The following SUFU variants were observed in gnomAD, a reference collection of about 807,000 sequenced individuals.
SUFU encodes the protein SUFU negative regulator of hedgehog signaling.
In SUFU, 7 loss-of-function variants were observed where a neutral mutation model predicts 58.9. That is an observed-to-expected ratio of 0.12 (90% CI 0.07 to 0.22). The LOEUF (loss-of-function observed/expected upper bound fraction) is 0.22, where lower values mean the gene tolerates loss of function less well. Among genes scored for constraint, SUFU ranks in the 10% least tolerant of loss-of-function variants. The probability of loss-of-function intolerance (pLI) is 1.00; values close to 1 mark genes in which losing one functional copy is unlikely to be tolerated. For missense variants in SUFU, 451 were observed against 641.3 expected (o/e 0.70, Z 3.20); for synonymous variants, 232 against 254.8 (o/e 0.91, Z 0.85).
intron 2 of SUFU, among the ~76,000 whole-genome samples, chr10:102,538,231 GTAATGTCCTACC>G (rs1471391436): frequency 6.6e-6 from 1 of 152,154 alleles, no homozygotes; most frequent in Non-Finnish European, 1.5e-5. Flanking sequence ...TTAGTGACTT[GTAATGTCCTACC>G]ACATAATGTG....
intron 3 of SUFU, among the ~76,000 whole-genome samples, chr10:102,583,370 T>C (rs1056663474): frequency 1.3e-5 from 2 of 152,210 alleles, no homozygotes; most frequent in African/African-American, 4.8e-5. Context: ...CTCCCCACTT[T>C]AACTCAGGAG....
intron 3 of SUFU, among the ~76,000 whole-genome samples, chr10:102,556,173 CG>C (rs2062974582): frequency 6.6e-6 from 1 of 151,880 alleles, no homozygotes; most frequent in Non-Finnish European, 1.5e-5. Flanking sequence ...GGTGTGGGGG[CG>C]GGGGCGGAGA....
In SUFU at chr10:102,632,152, A is replaced by G. The variant is rs757368847; in HGVS notation, c.*1997A>G. 3.0e-4 allele frequency: 71 copies of G among 233,178 alleles called. No individual in the cohort carries two copies. The Middle Eastern group carries it at 5.1e-3, about 17-fold the overall frequency. The allele number at this position is 233,178 out of a possible 1,614,324, so 14.4% of individuals were successfully genotyped here. On this transcript the variant is annotated 3_prime_UTR_variant, in exon 12 of 12. Transcript: ENST00000369902. ...GTACTTCCATCTGCTGGGTGCCTCC[A>G]TCGTTGGTTGGGTGGGGATGGGGCA...
intron 2 of SUFU, among the ~76,000 whole-genome samples, chr10:102,524,688 T>A (rs1589990869): frequency 6.6e-6 from 1 of 152,356 alleles, no homozygotes; most frequent in East Asian, 1.9e-4. Flanking sequence ...TTTTTTTAAA[T>A]TACCATCTAG....
chr10:102,520,461 C>CTG (rs1481789944), intron 2 of SUFU, among the ~76,000 whole-genome samples: 4 of 150,926 alleles, frequency 2.7e-5, no homozygotes, highest in South Asian at 2.1e-4. Flanking sequence ...CTCAGGTGAT[C>CTG]CAACCACCTC....
chr10:102,512,570 C>G (rs906057941), intron 2 of SUFU, among the ~76,000 whole-genome samples: 1 of 152,112 alleles, frequency 6.6e-6, no homozygotes, highest in Non-Finnish European at 1.5e-5. Context: ...TTAATACTAT[C>G]CTCTTACATG....
chr10:102,612,799 G>A (rs1417507261), intron 8 of SUFU, among the ~76,000 whole-genome samples: 1 of 152,132 alleles, frequency 6.6e-6, no homozygotes, highest in Non-Finnish European at 1.5e-5. Flanking sequence ...TGAGCCCTTC[G>A]GCTCGTCACC....
At chr10:102,590,160 C>CTTTTTT (rs1287182435) in intron 3 of SUFU, among the ~76,000 whole-genome samples, 18 of 46,488 alleles carry the variant, frequency 3.9e-4, no homozygotes, top group African/African-American at 1.6e-3. Flanking sequence ...TTTCTTTTTT[C>CTTTTTT]TTTTTTTTTT....
intron 9 of SUFU, 125 bp downstream of exon 9, chr10:102,615,527 C>G (rs2063677298): frequency 2.1e-6 from 3 of 1,421,852 alleles, no homozygotes; most frequent in Non-Finnish European, 2.9e-6. Flanking sequence ...AAGGAGCCAC[C>G]AGGCCCGTGC....
rs574943595 is a variant in SUFU at position 102,619,994 on chromosome 10, G to A, written c.1296+2566G>A. 2.0e-5 allele frequency among the ~76,000 whole-genome samples: 3 copies of A among 152,312 alleles called. No homozygotes were observed. Among genetic ancestry groups the A allele is most frequent in the South Asian group, 2.1e-4 (1 of 4,830 alleles). On this transcript the variant is annotated intron_variant, in intron 10 of 11. Transcript: ENST00000369902. The surrounding 1 kb of genome is among the most constrained non-coding windows in gnomAD (Gnocchi z 4.2). The stretch of plus-strand genomic sequence containing the variant: ...TGCTCCCTGCAGGCATCTCTTGCTC[G>A]CACCCCCAGGGTTCCGAGGTGTCTT...
At chr10:102,519,034 G>A (rs1313677002) in intron 2 of SUFU, among the ~76,000 whole-genome samples, 1 of 151,512 alleles carries the variant, frequency 6.6e-6, no homozygotes, top group Non-Finnish European at 1.5e-5. Context: ...CCAGCTAGGC[G>A]GGAGGCTGAG....
At chr10:102,511,121 CAAA>C (rs1403399470) in intron 2 of SUFU, among the ~76,000 whole-genome samples, 1 of 66,432 alleles carries the variant, frequency 1.5e-5, no homozygotes, top group Non-Finnish European at 3.1e-5. Flanking sequence ...AACTCCATCT[CAAA>C]AAAAAAAAAA....
intron 1 of SUFU, among the ~76,000 whole-genome samples, chr10:102,506,040 A>G (rs12242839): frequency 0.08 from 4,334 of 53,956 alleles, 180 homozygotes; most frequent in African/African-American, 0.11. Flanking sequence ...CTGTTATTTG[A>G]AAAAAAAAAA....
intron 3 of SUFU, among the ~76,000 whole-genome samples, chr10:102,552,874 G>C (rs2062933361): frequency 6.6e-6 from 1 of 152,226 alleles, no homozygotes; most frequent in African/African-American, 2.4e-5. Context: ...TGGGTGAATG[G>C]TATTTGGTTA....
chr10:102,567,555 G>A (rs1421811981), intron 3 of SUFU, among the ~76,000 whole-genome samples: 6 of 152,132 alleles, frequency 3.9e-5, no homozygotes, highest in African/African-American at 1.4e-4. Flanking sequence ...CCTCCCTCGA[G>A]GGTTCTGATG....
At chr10:102,535,055 G>T (rs1402156137) in intron 2 of SUFU, among the ~76,000 whole-genome samples, 1 of 152,170 alleles carries the variant, frequency 6.6e-6, no homozygotes, top group Non-Finnish European at 1.5e-5. Context: ...AGCTAGCCCA[G>T]TAAGGTGAGA....
At chr10:102,620,412 CCCCCATCAG>C (rs1186989797) in intron 10 of SUFU, among the ~76,000 whole-genome samples, 2 of 152,200 alleles carry the variant, frequency 1.3e-5, no homozygotes, top group Non-Finnish European at 2.9e-5. Flanking sequence ...CCACAGCCTT[CCCCCATCAG>C]TCCAGACCCA....
Position 102,534,224 on chromosome 10 carries a change from C to T in SUFU, c.318-15746C>T, listed in dbSNP as rs188196858. On this transcript the variant is annotated intron_variant, in intron 2 of 11. Coordinates refer to ENST00000369902, the MANE Select transcript of SUFU (RefSeq NM_016169.4). Reference sequence around the variant, plus strand: ...CGGGTGGATCACTAGGTCAGGAGATCGAGACCACCCTGGCTAACACAGTGA... The same window carrying T: ...CGGGTGGATCACTAGGTCAGGAGATTGAGACCACCCTGGCTAACACAGTGA... Among the ~76,000 whole-genome samples the T allele has an allele frequency of 2.5e-3, 384 of 152,146 alleles. 5 individuals are homozygous for T. The highest frequency in any genetic ancestry group is 8.6e-3 in the African/African-American group (358 of 41,500).
At position 102,617,270 on chromosome 10, in the gene SUFU, C is replaced by G. The variant is rs779547889; in HGVS notation, c.1158-20C>G. The G allele has an allele frequency of 6.2e-7, 1 of 1,614,180 alleles. No homozygotes were observed. Among genetic ancestry groups the G allele is most frequent in the African/African-American group, 1.3e-5 (1 of 75,056 alleles). ...GTTTCCAAGCCCAGCTCCTCACTGT[C>G]TCCATGTTCCCATCTCCAGGGGCAG... On this transcript the variant is annotated intron_variant, in intron 9 of 11. Coordinates refer to ENST00000369902, the MANE Select transcript of SUFU (RefSeq NM_016169.4). The surrounding 1 kb of genome is among the most constrained non-coding windows in gnomAD (Gnocchi z 4.4).
Sources: gnomAD v4.1 joint callset for allele counts (sites outside exome capture counted in the v4.1 genomes callset) on GRCh38, gnomAD v4.1.1 for gene constraint, Gnocchi (gnomAD v3.1) non-coding constraint, MANE v1.5 for transcripts, NCBI Gene and HGNC (gene_info 2026-07-23, HGNC 2026-07-21) for gene names.